Variants in RAB11FIP4 observed in about 807,000 individuals in gnomAD.
RAB11FIP4 encodes the protein RAB11 family interacting protein 4.
RAB11FIP4 carries 23 observed loss-of-function variants against 74.3 expected under a neutral mutation model. The ratio of observed to expected loss-of-function variants is 0.31; its 90% CI spans 0.22 to 0.44. RAB11FIP4 has a LOEUF of 0.44. RAB11FIP4 is among the 20% of genes least tolerant of loss of function. RAB11FIP4 has a pLI of 1.00. For missense variants in RAB11FIP4, 630 were observed against 863.9 expected (o/e 0.73, Z 3.39); for synonymous variants, 360 against 359.9 (o/e 1.00, Z 0.00).
At position 31,527,565 on chromosome 17, in the gene RAB11FIP4, G is replaced by T. The variant is rs191850179; in HGVS notation, c.1275-277G>T. The T allele has an allele frequency of 1.0e-3, 358 of 353,012 alleles. 1 individual carries two copies. The highest frequency in any genetic ancestry group is 4.9e-3 in the Middle Eastern group (6 of 1,216). 21.9% of individuals were successfully genotyped at this position (353,012 alleles called of 1,614,324 possible). Reference sequence around the variant, plus strand: ...GCTGAGATTGTGCCACCTCACTCCAGCCTGGGCAACAGAGCAGGACTCTGT... The same window carrying T: ...GCTGAGATTGTGCCACCTCACTCCATCCTGGGCAACAGAGCAGGACTCTGT... On this transcript the variant is annotated intron_variant, in intron 10 of 14. Coordinates refer to ENST00000621161, the MANE Select transcript of RAB11FIP4 (RefSeq NM_032932.6).
chr17:31,467,425 T>G (rs886225516), intron 3 of RAB11FIP4, among the ~76,000 whole-genome samples: 1 of 152,190 alleles, frequency 6.6e-6, no homozygotes, highest in African/African-American at 2.4e-5. Context: ...AGCCACTTCC[T>G]AGTATTTCCA....
chr17:31,490,621 T>G (rs1457865924), intron 3 of RAB11FIP4, among the ~76,000 whole-genome samples: 2 of 152,006 alleles, frequency 1.3e-5, no homozygotes, highest in Admixed American at 6.6e-5. Flanking sequence ...AGTGGTGTGA[T>G]CAGGGCTCAC....
At chr17:31,521,105 C>A in intron 4 of RAB11FIP4, 61 bp from the exon 5 acceptor site, 1 of 1,340,040 alleles carries the variant, frequency 7.5e-7, no homozygotes, top group Non-Finnish European at 1.0e-6. Flanking sequence ...GTTTCCCCAC[C>A]ACGGGCTGTG....
intron 1 of RAB11FIP4, among the ~76,000 whole-genome samples, chr17:31,412,508 G>T (rs1292337909): frequency 7.9e-5 from 12 of 152,204 alleles, no homozygotes; most frequent in Non-Finnish European, 1.8e-4. Context: ...ATGCCATCCT[G>T]GTGATCTTGG....
rs372094603 is a variant in RAB11FIP4 at position 31,488,657 on chromosome 17, A to G, written c.337-28994A>G. 8.5e-5 allele frequency among the ~76,000 whole-genome samples: 13 copies of G among 152,186 alleles called. No homozygotes were observed. In the East Asian group the frequency reaches 1.6e-3, roughly 18 times the overall value. The stretch of plus-strand genomic sequence containing the variant: ...GCTGAGCGCCGCGAAGTTTTTCTGT[A>G]GCTCTTGGCGGCTGCACAGAGCCTG... On this transcript the variant is annotated intron_variant, in intron 3 of 14. Coordinates refer to ENST00000621161, the MANE Select transcript of RAB11FIP4 (RefSeq NM_032932.6).
chr17:31,489,825 G>A (rs1432673997), intron 3 of RAB11FIP4, among the ~76,000 whole-genome samples: 2 of 152,046 alleles, frequency 1.3e-5, no homozygotes, highest in African/African-American at 4.8e-5. Context: ...GAACAGCTTC[G>A]GAATTTGAAG....
chr17:31,520,159 A>G (rs2072635629), intron 4 of RAB11FIP4, among the ~76,000 whole-genome samples: 2 of 152,088 alleles, frequency 1.3e-5, no homozygotes, highest in African/African-American at 2.4e-5. Context: ...TTTACATAGC[A>G]TTTACATTGC....
At chr17:31,518,103 T>G (rs2052434696) in intron 4 of RAB11FIP4, among the ~76,000 whole-genome samples, 1 of 152,134 alleles carries the variant, frequency 6.6e-6, no homozygotes, top group Admixed American at 6.5e-5. Context: ...GTTTTTAAAT[T>G]TAATTTTACT....
At chr17:31,459,146 C>A (rs539422941) in intron 3 of RAB11FIP4, among the ~76,000 whole-genome samples, 106 of 152,204 alleles carry the variant, frequency 7.0e-4, no homozygotes, top group African/African-American at 2.4e-3. Flanking sequence ...ATTGCCTACA[C>A]CCCCTGCCCC....
chr17:31,451,432 C>T (rs1344577552), intron 3 of RAB11FIP4, among the ~76,000 whole-genome samples: 4 of 145,852 alleles, frequency 2.7e-5, no homozygotes, highest in Non-Finnish European at 3.0e-5. Context: ...ACACTCCAGC[C>T]TGGGCAACAG....
chr17:31,403,955 G>A (rs1397808725), intron 1 of RAB11FIP4, among the ~76,000 whole-genome samples: 1 of 152,210 alleles, frequency 6.6e-6, no homozygotes, highest in Non-Finnish European at 1.5e-5. Flanking sequence ...TGCAGGATGG[G>A]CGGCCAGGGG....
At chr17:31,406,626 G>A (rs1283708583) in intron 1 of RAB11FIP4, among the ~76,000 whole-genome samples, 5 of 152,196 alleles carry the variant, frequency 3.3e-5, no homozygotes, top group Admixed American at 3.3e-4. Context: ...AATTGCTCAT[G>A]AGACTTTGCA....
In RAB11FIP4 at chr17:31,453,548, C is replaced by T. The variant is rs189840490; in HGVS notation, c.336+19426C>T. Among the ~76,000 whole-genome samples the T allele has an allele frequency of 6.3e-4, 96 of 151,744 alleles. 1 individual carries two copies. The highest frequency in any genetic ancestry group is 6.2e-3 in the Admixed American group (94 of 15,224). On this transcript the variant is annotated intron_variant, in intron 3 of 14. Transcript: ENST00000621161. Reference sequence around the variant, plus strand: ...GTAACTCGTGTCTTCCTCCCAGGGTCGTTGTCAAAATGAAACATGAAAGTG... The same window carrying T: ...GTAACTCGTGTCTTCCTCCCAGGGTTGTTGTCAAAATGAAACATGAAAGTG...
chr17:31,536,139 A>G lies in RAB11FIP4; in HGVS notation c.*4407A>G, dbSNP rs1318446595. The G allele has an allele frequency of 6.6e-6, 1 of 152,132 alleles. No individual in the cohort carries two copies. Among genetic ancestry groups the G allele is most frequent in the Non-Finnish European group, 1.5e-5 (1 of 68,042 alleles). The allele number at this position is 152,132 out of a possible 1,614,324, so 9.4% of individuals were successfully genotyped here. On this transcript the variant is annotated 3_prime_UTR_variant, in exon 15 of 15. Transcript: ENST00000621161. ...GCAGGGCCAGGTGAAACTGGGAGAAATGAAGCCCTCTGTGTCCTGTGTGTG... is the reference window on the plus strand; with the variant it reads ...GCAGGGCCAGGTGAAACTGGGAGAAGTGAAGCCCTCTGTGTCCTGTGTGTG...
Position 31,531,947 on chromosome 17 carries a change from C to G in RAB11FIP4, c.*215C>G, listed in dbSNP as rs2072879387. On this transcript the variant is annotated 3_prime_UTR_variant, in exon 15 of 15. Transcript: ENST00000621161. ...GGCAGCATCCACACGGTTAGCCGTG[C>G]ATGCACTTTGTGGCCCCTTTGCAAG... 1 of 527,270 alleles carries G rather than the reference C, an allele frequency of 1.9e-6. No individual in the cohort carries two copies. Among genetic ancestry groups the G allele is most frequent in the African/African-American group, 1.9e-5 (1 of 52,506 alleles). 32.7% of individuals were successfully genotyped at this position (527,270 alleles called of 1,614,324 possible). A position where few individuals can be genotyped will look rare whatever the true frequency, so the allele number is the denominator to read the frequency against.
intron 3 of RAB11FIP4, among the ~76,000 whole-genome samples, chr17:31,498,155 T>C (rs34627429): frequency 0.24 from 36,280 of 151,896 alleles, 4,665 homozygotes; most frequent in East Asian, 0.49. Context: ...TAGAGGGGGT[T>C]CCCAATGGAC....
At chr17:31,482,804 C>G (rs997936171) in intron 3 of RAB11FIP4, among the ~76,000 whole-genome samples, 25 of 152,002 alleles carry the variant, frequency 1.6e-4, no homozygotes, top group Admixed American at 2.0e-4. Context: ...GTCAATGGAC[C>G]TCTGAGAGAG....
intron 3 of RAB11FIP4, among the ~76,000 whole-genome samples, chr17:31,487,816 G>T (rs554053382): frequency 2.3e-4 from 35 of 152,114 alleles, no homozygotes; most frequent in African/African-American, 8.4e-4. Context: ...AGCTGGGCGC[G>T]CCCAGGCGAG....
At chr17:31,505,996 C>T (rs1281395947) in intron 3 of RAB11FIP4, among the ~76,000 whole-genome samples, 1 of 151,614 alleles carries the variant, frequency 6.6e-6, no homozygotes, top group Non-Finnish European at 1.5e-5. Context: ...CCACGTTCAG[C>T]ATGTTCCATC....
Sources: allele counts gnomAD v4.1 joint callset (sites outside exome capture counted in the v4.1 genomes callset), GRCh38; gene constraint gnomAD v4.1.1; transcripts MANE v1.5; gene names NCBI Gene and HGNC (gene_info 2026-07-23, HGNC 2026-07-21).